AGBL1: variants seen among roughly 807,000 people sequenced by gnomAD.
The protein encoded by AGBL1 is cytosolic carboxypeptidase 4.
Under a neutral mutation model 118.9 loss-of-function variants are expected in AGBL1, and 130 were observed. That is an observed-to-expected ratio of 1.09 (90% confidence interval 0.95 to 1.26). The LOEUF (loss-of-function observed/expected upper bound fraction) is 1.26, where lower values mean the gene tolerates loss of function less well. Ranked by LOEUF, AGBL1 falls within the 50% of genes most tolerant of loss-of-function variation. The probability of loss-of-function intolerance (pLI) is 0.00; values close to 1 mark genes in which losing one functional copy is unlikely to be tolerated. For synonymous variants in AGBL1, 555 were observed against 478.9 expected (o/e 1.16, Z -2.08); for missense variants, 1,584 against 1,298.1 (o/e 1.22, Z -3.38).
intron 22 of AGBL1, among the ~76,000 whole-genome samples, chr15:86,717,407 A>G (rs1033781079): frequency 6.6e-6 from 1 of 152,178 alleles, no homozygotes; most frequent in African/African-American, 2.4e-5. Flanking sequence ...TTGCTAGGCT[A>G]AGCAATAGGG....
At chr15:86,272,283 T>C (rs2079174330) in intron 15 of AGBL1, among the ~76,000 whole-genome samples, 1 of 152,226 alleles carries the variant, frequency 6.6e-6, no homozygotes, top group South Asian at 2.1e-4. Flanking sequence ...CTTTAAATTG[T>C]CCATATATTT....
chr15:86,778,651 C>G (rs1420382813), intron 22 of AGBL1, among the ~76,000 whole-genome samples: 2 of 152,156 alleles, frequency 1.3e-5, no homozygotes, highest in African/African-American at 2.4e-5. Flanking sequence ...CTCTCTTGCT[C>G]CCTGAACATT....
intron 22 of AGBL1, among the ~76,000 whole-genome samples, chr15:86,851,888 C>T (rs770303487): frequency 6.6e-5 from 10 of 152,130 alleles, no homozygotes; most frequent in Non-Finnish European, 1.3e-4. Context: ...AGTTCAGACT[C>T]ATTGTGGTGA....
intron 1 of AGBL1, among the ~76,000 whole-genome samples, chr15:86,131,948 GAAAA>G (rs11331970): frequency 2.3e-4 from 30 of 132,964 alleles, no homozygotes; most frequent in African/African-American, 7.4e-4. Context: ...ACCATGTCTC[GAAAA>G]AAAAAAAAAA....
intron 18 of AGBL1, among the ~76,000 whole-genome samples, chr15:86,511,162 A>G (rs985805508): frequency 3.9e-5 from 6 of 152,076 alleles, no homozygotes; most frequent in Admixed American, 3.9e-4. Flanking sequence ...CCTGAAACAA[A>G]CTTGTCAAAT....
At chr15:86,133,070 A>G (rs1404708113) in intron 1 of AGBL1, among the ~76,000 whole-genome samples, 1 of 152,216 alleles carries the variant, frequency 6.6e-6, no homozygotes, top group East Asian at 1.9e-4. Flanking sequence ...TGAGTTAGGT[A>G]CAAGTATTAG....
intron 6 of AGBL1, among the ~76,000 whole-genome samples, chr15:86,239,423 T>A (rs573590946): frequency 7.9e-5 from 12 of 152,220 alleles, no homozygotes; most frequent in Non-Finnish European, 1.2e-4. Context: ...CTTATGCTTT[T>A]GTACATATCC....
At chr15:86,245,986 A>G (rs2078714151) in intron 6 of AGBL1, among the ~76,000 whole-genome samples, 1 of 152,108 alleles carries the variant, frequency 6.6e-6, no homozygotes, top group Admixed American at 6.6e-5. Context: ...CCTGGGCTCA[A>G]GTGATTCTCC....
chr15:86,258,989 G>A (rs556100198), intron 9 of AGBL1, among the ~76,000 whole-genome samples: 1 of 152,354 alleles, frequency 6.6e-6, no homozygotes, highest in South Asian at 2.1e-4. Context: ...ACAGGCATGA[G>A]CCACTGTGCC....
rs567411193 is a variant in AGBL1, at chr15:86,716,290, C to CT, written c.3158+41865dup. Among the ~76,000 whole-genome samples, 1,303 of 146,192 alleles carry CT rather than the reference C, an allele frequency of 8.9e-3. 21 individuals carry two copies. Among genetic ancestry groups the CT allele is most frequent in the African/African-American group, 0.03 (1,205 of 40,032 alleles). On this transcript the variant is annotated intron_variant, in intron 22 of 22. Coordinates refer to ENST00000614907, the MANE Select transcript of AGBL1 (RefSeq NM_001386094.1). Reference sequence around the variant, plus strand: ...TGACTGCTAAATACTCAACCCAGTCCTTTTTTTTTTTAAGTTAGCATTGCT... The same window carrying CT: ...TGACTGCTAAATACTCAACCCAGTCCTTTTTTTTTTTTAAGTTAGCATTGCT...
chr15:86,862,091 T>C (rs1463461584), intron 22 of AGBL1, among the ~76,000 whole-genome samples: 1 of 152,172 alleles, frequency 6.6e-6, no homozygotes, highest in African/African-American at 2.4e-5. Context: ...TCTCATTTTA[T>C]GAAATTGGAA....
At chr15:86,415,829 T>C (rs188950035) in intron 18 of AGBL1, among the ~76,000 whole-genome samples, 87 of 152,328 alleles carry the variant, frequency 5.7e-4, no homozygotes, top group Admixed American at 3.0e-3. Context: ...TCATCCATTT[T>C]GTACACTAAG....
At chr15:86,385,794 T>G (rs188904664) in intron 17 of AGBL1, among the ~76,000 whole-genome samples, 1 of 152,162 alleles carries the variant, frequency 6.6e-6, no homozygotes, top group Non-Finnish European at 1.5e-5. Flanking sequence ...CCAGTCCAAA[T>G]AATTTAAAGT....
rs117122698 is a variant in AGBL1, at chr15:86,884,359, G to A, written c.3159-22728G>A. Among the ~76,000 whole-genome samples, 1,207 of 152,250 alleles carry A rather than the reference G, an allele frequency of 7.9e-3. 10 individuals carry two copies. Among genetic ancestry groups the A allele is most frequent in the Non-Finnish European group, 9.1e-3 (619 of 68,028 alleles). ...GTGGGACGACACAAGATCTCATCAC[G>A]CTACACAGACCTGTGCACTATTTAA... On this transcript the variant is annotated intron_variant, in intron 22 of 22. Transcript: ENST00000614907.
intron 22 of AGBL1, among the ~76,000 whole-genome samples, chr15:86,815,817 G>A (rs912078200): frequency 2.2e-4 from 34 of 152,100 alleles, no homozygotes; most frequent in African/African-American, 8.0e-4. Context: ...CACCTTCAAA[G>A]TGTTTGAAGG....
intron 6 of AGBL1, among the ~76,000 whole-genome samples, chr15:86,244,063 G>GTAAATAAATAAA (rs10667570): frequency 0.02 from 2,830 of 143,868 alleles, 44 homozygotes; most frequent in East Asian, 0.053. Context: ...AGATAAATAA[G>GTAAATAAATAAA]TAAATAAATA....
At chr15:86,883,321 C>T (rs1567222639) in intron 22 of AGBL1, among the ~76,000 whole-genome samples, 1 of 152,146 alleles carries the variant, frequency 6.6e-6, no homozygotes, top group Non-Finnish European at 1.5e-5. Context: ...CAGCTTCAGG[C>T]CTCCCTCTTC....
At chr15:86,966,559 A>C (rs1375100593) in intron 23 of AGBL1, among the ~76,000 whole-genome samples, 1 of 151,978 alleles carries the variant, frequency 6.6e-6, no homozygotes, top group Non-Finnish European at 1.5e-5. Flanking sequence ...CCCACCTATG[A>C]GTGAGAACAT....
intron 22 of AGBL1, among the ~76,000 whole-genome samples, chr15:86,832,287 G>GT (rs2079115676): frequency 6.6e-6 from 1 of 152,176 alleles, no homozygotes; most frequent in African/African-American, 2.4e-5. Context: ...AATTTCTGCA[G>GT]CCGGCTTGAA....
Sources: allele counts gnomAD v4.1 joint callset (sites outside exome capture counted in the v4.1 genomes callset), GRCh38; gene constraint gnomAD v4.1.1; transcripts MANE v1.5; gene names NCBI Gene and HGNC (gene_info 2026-07-23, HGNC 2026-07-21).